DAB1: variants seen among roughly 807,000 people sequenced by gnomAD.
DAB1 encodes the protein DAB adaptor protein 1, also known as disabled homolog 1.
DAB1 carries 15 observed loss-of-function variants against 64.6 expected under a neutral mutation model. The ratio of observed to expected loss-of-function variants is 0.23; its 90% CI spans 0.16 to 0.36. The LOEUF is 0.36. DAB1 is among the 10% of genes least tolerant of loss of function. The pLI, the probability that DAB1 is intolerant of heterozygous loss-of-function variation, is 1.00. For missense variants in DAB1, 596 were observed against 706.7 expected, an observed-to-expected ratio of 0.84 and a Z score of 1.78; for synonymous variants, 235 against 251.9, an observed-to-expected ratio of 0.93 and a Z score of 0.64.
intron 1 of DAB1, among the ~76,000 whole-genome samples, chr1:57,406,991 C>T (rs1470125211): frequency 4.6e-5 from 7 of 152,220 alleles, no homozygotes; most frequent in African/African-American, 1.7e-4. Context: ...TATCTACTTC[C>T]TCTGGAGTTT....
chr1:57,299,530 T>C (rs919462249), intron 1 of DAB1, among the ~76,000 whole-genome samples: 1 of 152,052 alleles, frequency 6.6e-6, no homozygotes, highest in African/African-American at 2.4e-5. Flanking sequence ...CAACATTTCA[T>C]TTAACTAATG....
chr1:58,051,497 G>A (rs887046875), intron 5 of DAB1, among the ~76,000 whole-genome samples: 35 of 152,120 alleles, frequency 2.3e-4, no homozygotes, highest in African/African-American at 7.2e-4. Context: ...GAATAGTGCT[G>A]CAATAGACAT....
chr1:57,418,068 C>T (rs886259292), intron 1 of DAB1, among the ~76,000 whole-genome samples: 1 of 152,134 alleles, frequency 6.6e-6, no homozygotes, highest in African/African-American at 2.4e-5. Context: ...ATGCATGAAA[C>T]CAGGTCCCTA....
At chr1:57,025,344 A>G (rs563806418) in intron 10 of DAB1, among the ~76,000 whole-genome samples, 1 of 152,228 alleles carries the variant, frequency 6.6e-6, no homozygotes, top group Non-Finnish European at 1.5e-5. Context: ...GTAAGCACTG[A>G]CTGAGGTACA....
intron 3 of DAB1, among the ~76,000 whole-genome samples, chr1:58,493,430 G>C (rs1223986606): frequency 5.9e-5 from 9 of 152,036 alleles, no homozygotes; most frequent in African/African-American, 1.9e-4. Flanking sequence ...AATCAGGCAA[G>C]AGAAAGAAAT....
At chr1:58,093,610 G>A (rs1341461085) in intron 5 of DAB1, among the ~76,000 whole-genome samples, 1 of 151,442 alleles carries the variant, frequency 6.6e-6, no homozygotes. Flanking sequence ...CTGGTCCATG[G>A]AAAAATTGTC....
At chr1:57,302,478 A>G (rs1334060483) in intron 1 of DAB1, among the ~76,000 whole-genome samples, 1 of 152,080 alleles carries the variant, frequency 6.6e-6, no homozygotes, top group Admixed American at 6.5e-5. Context: ...ACCTCTACTT[A>G]CAAGTAAGAG....
chr1:57,978,889 C>T (rs914134966), intron 5 of DAB1, among the ~76,000 whole-genome samples: 2 of 151,944 alleles, frequency 1.3e-5, no homozygotes, highest in Non-Finnish European at 2.9e-5. Context: ...CCTAGAATGG[C>T]GATCATTAAA....
At chr1:57,758,129 A>G (rs1648903262) in intron 6 of DAB1, among the ~76,000 whole-genome samples, 1 of 152,182 alleles carries the variant, frequency 6.6e-6, no homozygotes, top group African/African-American at 2.4e-5. Flanking sequence ...ATAGAATTAA[A>G]TGGAATAACA....
rs958634972 is a variant in DAB1 at position 57,123,524 on chromosome 1, C to T, written c.306+13019G>A. Among the ~76,000 whole-genome samples the T allele has an allele frequency of 2.4e-4, 36 of 151,974 alleles. 1 individual carries two copies. The highest frequency in any genetic ancestry group is 1.0e-3 in the South Asian group (5 of 4,828). On this transcript the variant is annotated intron_variant, in intron 4 of 14. Transcript: ENST00000371236. ...CGGCATCATACATCTAGCAGTACAA[C>T]TTTTTAGAATATAATTTGATCAAAA... is the stretch of plus-strand genomic sequence containing the variant.
At chr1:58,533,127 T>G (rs1646462329) in intron 1 of DAB1, among the ~76,000 whole-genome samples, 1 of 152,218 alleles carries the variant, frequency 6.6e-6, no homozygotes, top group South Asian at 2.1e-4. Flanking sequence ...GAATAACAAT[T>G]TAAAAAATGT....
Position 58,220,872 on chromosome 1 carries a change from T to TACACAC in DAB1, n.310-70290_310-70285dup, listed in dbSNP as rs373869896. On this transcript the variant is annotated intron_variant and non_coding_transcript_variant, in intron 4 of 20. Coordinates refer to the DAB1 transcript ENST00000485760. ...ACATTTATACACATATATACATATA[T>TACACAC]ACACACACACACACACACATATATA... Among the ~76,000 whole-genome samples the TACACAC allele has an allele frequency of 2.9e-3, 425 of 146,824 alleles. 4 individuals carry two copies. Among genetic ancestry groups the TACACAC allele is most frequent in the Middle Eastern group, 6.9e-3 (2 of 288 alleles).
At chr1:57,078,783 T>C (rs1338828448) in intron 4 of DAB1, among the ~76,000 whole-genome samples, 1 of 152,166 alleles carries the variant, frequency 6.6e-6, no homozygotes, top group Non-Finnish European at 1.5e-5. Flanking sequence ...TGGCAGTATG[T>C]TTCAGAGCTT....
chr1:57,066,291 T>C (rs375855442), intron 8 of DAB1, among the ~76,000 whole-genome samples: 7 of 152,270 alleles, frequency 4.6e-5, no homozygotes, highest in East Asian at 1.9e-4. Context: ...AGCACCTCAA[T>C]TGGGGGAACT....
At chr1:58,284,417 T>C (rs2100443184) in intron 4 of DAB1, among the ~76,000 whole-genome samples, 1 of 152,342 alleles carries the variant, frequency 6.6e-6, no homozygotes, top group Middle Eastern at 3.4e-3. Flanking sequence ...TTTACACTGC[T>C]ACCCTGCCTC....
chr1:57,876,386 T>G (rs911479878), intron 1 of DAB1: 5 of 152,222 alleles, frequency 3.3e-5, no homozygotes, highest in Non-Finnish European at 5.9e-5. Flanking sequence ...CACGATGATA[T>G]GAAAAAGCCA....
chr1:57,531,331 C>T (rs1457254434), intron 7 of DAB1, among the ~76,000 whole-genome samples: 2 of 152,092 alleles, frequency 1.3e-5, no homozygotes, highest in Non-Finnish European at 1.5e-5. Flanking sequence ...TGTAATTTTC[C>T]ACTACCCACC....
At chr1:58,401,626 C>A (rs1644568967) in intron 3 of DAB1, among the ~76,000 whole-genome samples, 1 of 152,166 alleles carries the variant, frequency 6.6e-6, no homozygotes, top group Non-Finnish European at 1.5e-5. Context: ...TCTGTGGAGT[C>A]CACTACTGTA....
At chr1:57,452,750 C>T (rs1686434398) in intron 7 of DAB1, among the ~76,000 whole-genome samples, 1 of 151,994 alleles carries the variant, frequency 6.6e-6, no homozygotes, top group Non-Finnish European at 1.5e-5. Context: ...AAGGATATTA[C>T]AATAGCATCT....
Sources: allele counts gnomAD v4.1 joint callset (sites outside exome capture counted in the v4.1 genomes callset), GRCh38; gene constraint gnomAD v4.1.1; transcripts MANE v1.5; gene names NCBI Gene and HGNC (gene_info 2026-07-23, HGNC 2026-07-21).